Variants in PRKG1 observed in about 807,000 individuals in gnomAD.
PRKG1 encodes cGMP-dependent protein kinase 1.
In PRKG1, 35 loss-of-function variants were observed where a neutral mutation model predicts 88.1. The ratio of observed to expected loss-of-function variants is 0.40; its 90% CI spans 0.30 to 0.53. The LOEUF is 0.53. Among genes scored for constraint, PRKG1 ranks in the 20% least tolerant of loss-of-function variants. PRKG1 has a pLI of 0.59. For synonymous variants in PRKG1, 303 were observed against 292.5 expected, an observed-to-expected ratio of 1.04 and a Z score of -0.37; for missense variants, 540 against 839.8, an observed-to-expected ratio of 0.64 and a Z score of 4.41.
intron 1 of PRKG1, among the ~76,000 whole-genome samples, chr10:51,128,882 C>A (rs894070813): frequency 2.6e-5 from 4 of 152,070 alleles, no homozygotes; most frequent in Non-Finnish European, 4.4e-5. Flanking sequence ...GACGTTAATT[C>A]GATGAAAGTT....
At chr10:51,030,721 C>A (rs192724469) in intron 1 of PRKG1, among the ~76,000 whole-genome samples, 1 of 151,964 alleles carries the variant, frequency 6.6e-6, no homozygotes, top group Admixed American at 6.6e-5. Flanking sequence ...CATGCCAGAG[C>A]GGGTTGTTTA....
chr10:51,985,664 T>C (rs1031246915), intron 5 of PRKG1, among the ~76,000 whole-genome samples: 31 of 152,244 alleles, frequency 2.0e-4, no homozygotes, highest in Non-Finnish European at 4.6e-4. Flanking sequence ...ACTTGTTTTC[T>C]ATTTGTAGTC....
rs1904010 is a variant in PRKG1 at position 52,054,469 on chromosome 10, G to A, written c.763-15G>A. On this transcript the variant is annotated splice_polypyrimidine_tract_variant and intron_variant, in intron 5 of 17. Coordinates refer to ENST00000373980, the MANE Select transcript of PRKG1 (RefSeq NM_006258.4). Reference sequence around the variant, plus strand: ...TGCTTGCTTAATTTTTTTTCTTATTGTTTCTACTTTTCAGACCCACTATGA... The same window carrying A: ...TGCTTGCTTAATTTTTTTTCTTATTATTTCTACTTTTCAGACCCACTATGA... 3 of 1,604,882 alleles carry A rather than the reference G, an allele frequency of 1.9e-6. No homozygotes were observed. In the East Asian group the frequency reaches 6.7e-5, roughly 36 times the overall value.
chr10:52,084,299 A>T (rs1271471883), intron 7 of PRKG1, among the ~76,000 whole-genome samples: 1 of 152,068 alleles, frequency 6.6e-6, no homozygotes, highest in Non-Finnish European at 1.5e-5. Flanking sequence ...TTTCAAGACA[A>T]ATGAGATGAA....
intron 4 of PRKG1, among the ~76,000 whole-genome samples, chr10:51,876,707 C>T (rs1410133895): frequency 1.3e-5 from 2 of 152,170 alleles, no homozygotes; most frequent in African/African-American, 4.8e-5. Flanking sequence ...GGGCCTCTTG[C>T]CACCAGAGCA....
chr10:51,832,158 TA>T (rs1242414058), intron 4 of PRKG1, among the ~76,000 whole-genome samples: 1 of 152,132 alleles, frequency 6.6e-6, no homozygotes, highest in Non-Finnish European at 1.5e-5. Context: ...TTGAAGAAAG[TA>T]AACCAATGCT....
chr10:52,042,388 T>C (rs1159581735), intron 5 of PRKG1, among the ~76,000 whole-genome samples: 1 of 151,964 alleles, frequency 6.6e-6, no homozygotes, highest in Non-Finnish European at 1.5e-5. Flanking sequence ...CACAGATGAA[T>C]GAACAAAATA....
At chr10:52,179,279 T>A (rs1296373935) in intron 9 of PRKG1, among the ~76,000 whole-genome samples, 1 of 152,194 alleles carries the variant, frequency 6.6e-6, no homozygotes, top group African/African-American at 2.4e-5. Flanking sequence ...AGTCTACTAG[T>A]GATGAATTCC....
At chr10:51,812,464 A>T (rs1839481212) in intron 4 of PRKG1, among the ~76,000 whole-genome samples, 1 of 152,208 alleles carries the variant, frequency 6.6e-6, no homozygotes, top group African/African-American at 2.4e-5. Context: ...AGCTGCAGGC[A>T]TTGCAGTTTT....
intron 3 of PRKG1, among the ~76,000 whole-genome samples, chr10:51,618,237 T>C (rs1369250281): frequency 1.3e-5 from 2 of 152,220 alleles, no homozygotes; most frequent in Non-Finnish European, 2.9e-5. Context: ...TGGCCTAGAC[T>C]TCCCTGGGAA....
At chr10:51,808,989 C>G (rs770019904) in intron 4 of PRKG1, among the ~76,000 whole-genome samples, 1 of 152,144 alleles carries the variant, frequency 6.6e-6, no homozygotes, top group Non-Finnish European at 1.5e-5. Context: ...GCCACTGTTT[C>G]TTCTCATTTT....
intron 4 of PRKG1, among the ~76,000 whole-genome samples, chr10:51,905,039 A>AATACCTAAT (rs1261652113): frequency 1.3e-5 from 2 of 152,194 alleles, no homozygotes; most frequent in African/African-American, 4.8e-5. Flanking sequence ...ATTTTCCAGG[A>AATACCTAAT]ATACCTAATG....
At chr10:51,826,778 C>T (rs1414175526) in intron 4 of PRKG1, among the ~76,000 whole-genome samples, 1 of 152,224 alleles carries the variant, frequency 6.6e-6, no homozygotes, top group East Asian at 1.9e-4. Flanking sequence ...TGTTTGTCAC[C>T]TGTTAATCAT....
rs967628031 is a variant in PRKG1 at position 51,193,415 on chromosome 10, T to TTA, written c.478+40094_478+40095dup. Among the ~76,000 whole-genome samples the TTA allele has an allele frequency of 2.4e-4, 37 of 152,060 alleles. 1 individual carries two copies. The highest frequency in any genetic ancestry group is 8.4e-4 in the African/African-American group (35 of 41,508). ...CATTGTATCACAAGGTGGATTGTTA[T>TTA]TATATATATAATAATGTTAAGAACC... On this transcript the variant is annotated intron_variant, in intron 2 of 17. Coordinates refer to ENST00000373980, the MANE Select transcript of PRKG1 (RefSeq NM_006258.4).
At chr10:51,077,746 G>A (rs1843994653) in intron 1 of PRKG1, among the ~76,000 whole-genome samples, 4 of 152,114 alleles carry the variant, frequency 2.6e-5, no homozygotes, top group Admixed American at 1.3e-4. Context: ...TTCACAATCT[G>A]TATAGATACA....
intron 9 of PRKG1, among the ~76,000 whole-genome samples, chr10:52,174,810 A>T (rs566860495): frequency 3.3e-5 from 5 of 152,054 alleles, no homozygotes; most frequent in African/African-American, 1.2e-4. Context: ...AAGGCAAGAC[A>T]TATCTGCTTT....
chr10:52,293,690 T>C, intron 17 of PRKG1, 112 bp from the exon 18 acceptor site: 1 of 779,088 alleles, frequency 1.3e-6, no homozygotes, highest in Non-Finnish European at 2.2e-6. Context: ...ACATAGTAGA[T>C]ACTCAATGAA....
chr10:51,055,745 A>G (rs535059223), intron 1 of PRKG1, among the ~76,000 whole-genome samples: 2 of 151,912 alleles, frequency 1.3e-5, no homozygotes, highest in South Asian at 4.2e-4. Context: ...CTCAAAAAAA[A>G]AATTTCTTTG....
intron 5 of PRKG1, among the ~76,000 whole-genome samples, chr10:51,928,187 T>G (rs1842618265): frequency 6.6e-6 from 1 of 152,174 alleles, no homozygotes; most frequent in South Asian, 2.1e-4. Flanking sequence ...AGAGAAAAAG[T>G]GTTAATAAAG....
Sources: allele counts gnomAD v4.1 joint callset (sites outside exome capture counted in the v4.1 genomes callset), GRCh38; gene constraint gnomAD v4.1.1; transcripts MANE v1.5; gene names NCBI Gene and HGNC (gene_info 2026-07-23, HGNC 2026-07-21).